Variants in MTHFD1L observed in about 807,000 individuals in gnomAD.
MTHFD1L encodes the protein methylenetetrahydrofolate dehydrogenase (NADP+ dependent) 1 like.
Under a neutral mutation model 119.5 loss-of-function variants are expected in MTHFD1L, and 81 were observed. The ratio of observed to expected loss-of-function variants is 0.68; its 90% CI spans 0.57 to 0.82. The LOEUF is 0.82. Ranked by LOEUF, MTHFD1L falls within the 40% of genes least tolerant of loss-of-function variation. The pLI, the probability that MTHFD1L is intolerant of heterozygous loss-of-function variation, is 0.00. For synonymous variants in MTHFD1L, 430 were observed against 475.2 expected (o/e 0.90, Z 1.24); for missense variants, 1,125 against 1,253.4 (o/e 0.90, Z 1.55).
intron 26 of MTHFD1L, among the ~76,000 whole-genome samples, chr6:151,062,598 C>T (rs1387043525): frequency 6.6e-6 from 1 of 152,148 alleles, no homozygotes; most frequent in Non-Finnish European, 1.5e-5. Context: ...ATGAAGAACA[C>T]ATCTTATATA....
At chr6:150,868,924 C>T (rs78674729) in intron 1 of MTHFD1L, among the ~76,000 whole-genome samples, 3,601 of 152,050 alleles carry the variant, frequency 0.024, 130 homozygotes, top group African/African-American at 0.082. Context: ...ATTAACTGGG[C>T]GTGGCGCGTG....
chr6:150,876,122 G>A lies in MTHFD1L; in HGVS notation c.260G>A (p.Ser87Asn), dbSNP rs771110218. Residue 87 changes from serine to asparagine, a missense_variant, in exon 2 of 28, where the codon AGT becomes AAT. Transcript: ENST00000367321. ...ATTCAGAATTCAAAAGAAGTTCTAA[G>A]TTTATTGCAAGAAAAAAACCCTGCC... ...EVIQNSKEVL[S>N]LLQEKNPAFK... 6.2e-7 allele frequency: 1 copy of A among 1,605,974 alleles called. No individual in the cohort carries two copies. The highest frequency in any genetic ancestry group is 8.5e-7 in the Non-Finnish European group (1 of 1,176,688).
At chr6:150,899,110 T>C (rs1784727244) in intron 7 of MTHFD1L, 1 of 418,040 alleles carries the variant, frequency 2.4e-6, no homozygotes, top group African/African-American at 2.2e-5. Context: ...ATATCTTTGA[T>C]ATTTTCTTCT....
At chr6:151,054,085 GAAGA>G (rs1164948216) in intron 26 of MTHFD1L, among the ~76,000 whole-genome samples, 1 of 152,142 alleles carries the variant, frequency 6.6e-6, no homozygotes, top group Non-Finnish European at 1.5e-5. Context: ...CAGGGAGAGA[GAAGA>G]GAGACACCAA....
intron 26 of MTHFD1L, among the ~76,000 whole-genome samples, chr6:151,084,264 A>T (rs560468840): frequency 2.6e-5 from 4 of 152,186 alleles, no homozygotes; most frequent in Non-Finnish European, 4.4e-5. Flanking sequence ...CGAGATGTGG[A>T]TATTTGGCCC....
chr6:151,026,780 C>A (rs1784652410), intron 24 of MTHFD1L, among the ~76,000 whole-genome samples: 1 of 148,994 alleles, frequency 6.7e-6, no homozygotes, highest in Non-Finnish European at 1.5e-5. Context: ...GCCTTTCTTT[C>A]CCTTCTTTGC....
At chr6:150,891,924 TGAG>T (rs1412859486) in intron 7 of MTHFD1L, among the ~76,000 whole-genome samples, 6 of 152,126 alleles carry the variant, frequency 3.9e-5, no homozygotes, top group Admixed American at 2.6e-4. Flanking sequence ...AGAATGGAAA[TGAG>T]GAGTAAATTG....
intron 7 of MTHFD1L, among the ~76,000 whole-genome samples, chr6:150,903,203 ATTTTTTTTTTTTTT>A (rs774695918): frequency 3.5e-5 from 3 of 85,474 alleles, no homozygotes; most frequent in African/African-American, 5.0e-5. Flanking sequence ...TGGCTGCAAA[ATTTTTTTTTTTTTT>A]TTTTTTTTTT....
chr6:150,999,850 C>T (rs9478900), intron 20 of MTHFD1L, among the ~76,000 whole-genome samples: 34,966 of 152,082 alleles, frequency 0.23, 4,101 homozygotes, highest in Middle Eastern at 0.31. Context: ...ATTTTCAAAG[C>T]TTTTACTACA....
At chr6:150,996,756 G>A (rs907723497) in intron 20 of MTHFD1L, among the ~76,000 whole-genome samples, 1 of 152,092 alleles carries the variant, frequency 6.6e-6, no homozygotes. Flanking sequence ...CTGGGGAACT[G>A]GGCTCTCACA....
intron 4 of MTHFD1L, among the ~76,000 whole-genome samples, chr6:150,882,555 A>G: frequency 6.6e-6 from 1 of 152,124 alleles, no homozygotes; most frequent in East Asian, 1.9e-4. Context: ...CAAGCCTTTT[A>G]ATTTTTTTTT....
At chr6:150,907,997 A>G (rs937852920) in intron 8 of MTHFD1L, among the ~76,000 whole-genome samples, 19 of 150,360 alleles carry the variant, frequency 1.3e-4, no homozygotes, top group African/African-American at 4.9e-5. Context: ...TTCTGGGTTC[A>G]GGTGATTCTC....
chr6:151,049,797 C>T (rs1254599740), intron 26 of MTHFD1L, among the ~76,000 whole-genome samples: 1 of 152,152 alleles, frequency 6.6e-6, no homozygotes, highest in Non-Finnish European at 1.5e-5. Flanking sequence ...GTCCATGGTT[C>T]CTGGTTCCTG....
Position 151,100,096 on chromosome 6 carries a change from C to T in MTHFD1L, c.*32-1430C>T, listed in dbSNP as rs183549639. Among the ~76,000 whole-genome samples the T allele has an allele frequency of 1.9e-3, 288 of 149,606 alleles. 2 individuals carry two copies. Among genetic ancestry groups the T allele is most frequent in the African/African-American group, 6.5e-3 (265 of 40,528 alleles). Reference sequence around the variant, plus strand: ...TCACCCAGGCTGAAGTGCAGTGGCACGATCTCGGCTCACTGCAAGCTCCGC... The same window carrying T: ...TCACCCAGGCTGAAGTGCAGTGGCATGATCTCGGCTCACTGCAAGCTCCGC... On this transcript the variant is annotated intron_variant, in intron 27 of 27. Coordinates refer to ENST00000367321, the MANE Select transcript of MTHFD1L (RefSeq NM_015440.5).
intron 27 of MTHFD1L, chr6:151,100,003 A>G: frequency 1.3e-6 from 1 of 748,538 alleles, no homozygotes; most frequent in Non-Finnish European, 2.2e-6. Flanking sequence ...CTTTAAAAAA[A>G]AAGAAAAGAA....
intron 21 of MTHFD1L, among the ~76,000 whole-genome samples, chr6:151,012,472 G>A (rs942993936): frequency 6.6e-6 from 1 of 151,826 alleles, no homozygotes; most frequent in Admixed American, 6.6e-5. Flanking sequence ...TGTTTATTCA[G>A]CTTGTTTTTT....
intron 8 of MTHFD1L, among the ~76,000 whole-genome samples, chr6:150,910,555 C>CA (rs60500917): frequency 0.1 from 8,429 of 83,250 alleles, 642 homozygotes; most frequent in African/African-American, 0.26. Flanking sequence ...AACTCCATCT[C>CA]AAAAAAAAAA....
chr6:151,061,035 G>A (rs1287249676), intron 26 of MTHFD1L, among the ~76,000 whole-genome samples: 1 of 152,148 alleles, frequency 6.6e-6, no homozygotes, highest in Non-Finnish European at 1.5e-5. Flanking sequence ...AACAGGAGCG[G>A]GGAAGAGGGA....
At chr6:150,896,887 T>G (rs1467146843) in intron 7 of MTHFD1L, among the ~76,000 whole-genome samples, 2 of 151,770 alleles carry the variant, frequency 1.3e-5, no homozygotes, top group Non-Finnish European at 2.9e-5. Context: ...GGCAGGTGGA[T>G]CATGAGGTCA....
Sources: gnomAD v4.1 joint callset for allele counts (sites outside exome capture counted in the v4.1 genomes callset) on GRCh38, gnomAD v4.1.1 for gene constraint, MANE v1.5 for transcripts, NCBI Gene and HGNC (gene_info 2026-07-23, HGNC 2026-07-21) for gene names.